CACNA1C: variants seen among roughly 807,000 people sequenced by gnomAD.
The protein encoded by CACNA1C is voltage-dependent L-type calcium channel subunit alpha-1C.
In CACNA1C, 30 loss-of-function variants were observed where a neutral mutation model predicts 229.0. The ratio of observed to expected loss-of-function variants is 0.13; its 90% CI spans 0.10 to 0.18. The LOEUF is 0.18. CACNA1C is among the 10% of genes least tolerant of loss of function. The pLI is 1.00. For synonymous variants in CACNA1C, 1,114 were observed against 1,132.5 expected, an observed-to-expected ratio of 0.98 and a Z score of 0.33; for missense variants, 1,658 against 2,845.0, an observed-to-expected ratio of 0.58 and a Z score of 9.49.
chr12:2,043,953 C>A (rs1002416182), intron 1 of CACNA1C, among the ~76,000 whole-genome samples: 14 of 152,140 alleles, frequency 9.2e-5, no homozygotes, highest in Admixed American at 6.5e-4. Context: ...CCGCGCCCGG[C>A]CAAAAACAGA....
intron 1 of CACNA1C, among the ~76,000 whole-genome samples, chr12:2,109,370 A>G (rs549111576): frequency 6.6e-6 from 1 of 152,370 alleles, no homozygotes; most frequent in South Asian, 2.1e-4. Context: ...ACCTGAGCCC[A>G]AACCTGAAAC....
At chr12:2,151,212 C>G (rs756374201) in intron 3 of CACNA1C, among the ~76,000 whole-genome samples, 1 of 152,122 alleles carries the variant, frequency 6.6e-6, no homozygotes, top group African/African-American at 2.4e-5. Flanking sequence ...ATCAGATCAT[C>G]TCATCCAATT....
chr12:2,130,434 C>T (rs1349910519), intron 3 of CACNA1C, among the ~76,000 whole-genome samples: 3 of 126,928 alleles, frequency 2.4e-5, no homozygotes, highest in Admixed American at 7.9e-5. Flanking sequence ...GGTATATCTC[C>T]CAATGCTATC....
At chr12:2,382,152 G>A (rs770295301) in intron 3 of CACNA1C, among the ~76,000 whole-genome samples, 6 of 152,180 alleles carry the variant, frequency 3.9e-5, no homozygotes, top group Non-Finnish European at 5.9e-5. Flanking sequence ...AATTTCTCAC[G>A]GTATTCCTTC....
chr12:2,395,345 A>C (rs1444396933), intron 3 of CACNA1C, among the ~76,000 whole-genome samples: 1 of 151,864 alleles, frequency 6.6e-6, no homozygotes, highest in Non-Finnish European at 1.5e-5. Flanking sequence ...CAGCCTCCCA[A>C]GTAGCTGGAA....
At chr12:2,515,105 A>G (rs1158326800) in intron 9 of CACNA1C, among the ~76,000 whole-genome samples, 1 of 152,146 alleles carries the variant, frequency 6.6e-6, no homozygotes, top group Non-Finnish European at 1.5e-5. Flanking sequence ...TTCTTGTCCT[A>G]AGAGGACTGG....
At chr12:1,977,251 C>A (rs1222429163) in intron 1 of CACNA1C, among the ~76,000 whole-genome samples, 1 of 152,202 alleles carries the variant, frequency 6.6e-6, no homozygotes, top group African/African-American at 2.4e-5. Context: ...AAGCACAGAT[C>A]TGTTAGCATG....
chr12:2,002,908 CAAACAA>C (rs2042508056), intron 1 of CACNA1C, among the ~76,000 whole-genome samples: 1 of 150,282 alleles, frequency 6.7e-6, no homozygotes, highest in Non-Finnish European at 1.5e-5. Context: ...AAAAAACAAA[CAAACAA>C]AAACAAACAA....
Position 2,504,534 on chromosome 12 carries a change from G to A in CACNA1C, c.1114-308G>A, listed in dbSNP as rs1334409535. ...TTCTAAATCTGGTTCTCGGTGTGTT[G>A]AGCGGGTAAGCTGACCGTTTCTATG... On this transcript the variant is annotated intron_variant, in intron 7 of 46. Coordinates refer to ENST00000399655, the MANE Select transcript of CACNA1C (RefSeq NM_000719.7). The surrounding 1 kb of genome is among the most constrained non-coding windows in gnomAD (Gnocchi z 6.8). 1.3e-5 allele frequency: 21 copies of A among 1,589,468 alleles called. No homozygotes were observed. Among genetic ancestry groups the A allele is most frequent in the Non-Finnish European group, 1.8e-5 (21 of 1,158,620 alleles).
chr12:2,139,394 C>G (rs1166198377), intron 3 of CACNA1C, among the ~76,000 whole-genome samples: 1 of 151,282 alleles, frequency 6.6e-6, no homozygotes, highest in African/African-American at 2.4e-5. Context: ...TCTGCAAAGA[C>G]TTTATTTCCA....
intron 7 of CACNA1C, among the ~76,000 whole-genome samples, chr12:2,498,006 A>ACACACACAACG (rs2099750774): frequency 8.4e-6 from 1 of 119,274 alleles, no homozygotes; most frequent in African/African-American, 3.3e-5. Flanking sequence ...CACACACAAC[A>ACACACACAACG]GCTATTAATC....
At chr12:2,450,563 A>AAC (rs1232243892) in intron 4 of CACNA1C, among the ~76,000 whole-genome samples, 253 of 145,020 alleles carry the variant, frequency 1.7e-3, no homozygotes, top group Non-Finnish European at 3.2e-3. Context: ...CAAAAAAAAA[A>AAC]AAAAAAAAAA....
chr12:2,050,074 T>C (rs773443127), upstream of CACNA1C, among the ~76,000 whole-genome samples: 3 of 152,250 alleles, frequency 2.0e-5, no homozygotes, highest in Non-Finnish European at 4.4e-5. Flanking sequence ...ATCCTGCACG[T>C]GACCCCCTAA....
intron 9 of CACNA1C, among the ~76,000 whole-genome samples, chr12:2,534,972 C>G (rs755712526): frequency 3.3e-5 from 5 of 152,244 alleles, no homozygotes; most frequent in Non-Finnish European, 5.9e-5. Flanking sequence ...CACTGAACCT[C>G]TATCCTAAGG....
At position 2,593,193 on chromosome 12, in the gene CACNA1C, T is replaced by C. The variant is rs964539091; in HGVS notation, c.2531-20T>C. The C allele has an allele frequency of 3.1e-6, 5 of 1,609,282 alleles. No homozygotes were observed. Among genetic ancestry groups the C allele is most frequent in the Non-Finnish European group, 4.2e-6 (5 of 1,176,742 alleles). ...GTGGGAGTGCTGGAGTTATTTAGAA[T>C]GGTGCTGTTCTTCTTACAGGAGAAG... On this transcript the variant is annotated intron_variant, in intron 18 of 46. Coordinates refer to ENST00000399655, the MANE Select transcript of CACNA1C (RefSeq NM_000719.7).
intron 1 of CACNA1C, among the ~76,000 whole-genome samples, chr12:2,016,587 C>T (rs1352462967): frequency 6.6e-6 from 1 of 152,124 alleles, no homozygotes; most frequent in Admixed American, 6.6e-5. Flanking sequence ...TGCCACCACG[C>T]CTGGCTAATT....
At chr12:2,543,983 G>A (rs2099876702) in intron 9 of CACNA1C, among the ~76,000 whole-genome samples, 2 of 152,122 alleles carry the variant, frequency 1.3e-5, no homozygotes, top group Non-Finnish European at 2.9e-5. Context: ...GTGACTGGCA[G>A]CCTACGTCCA....
intron 3 of CACNA1C, among the ~76,000 whole-genome samples, chr12:2,382,270 C>A (rs1272290306): frequency 1.3e-5 from 2 of 152,188 alleles, no homozygotes; most frequent in East Asian, 3.8e-4. Context: ...GCAAATATCT[C>A]AAAAATATTG....
At chr12:2,545,955 T>C (rs1171947475) in intron 9 of CACNA1C, among the ~76,000 whole-genome samples, 1 of 152,250 alleles carries the variant, frequency 6.6e-6, no homozygotes, top group Non-Finnish European at 1.5e-5. Context: ...GTCTTCATGC[T>C]CTCCAGTGCA....
Sources: gnomAD v4.1 joint callset for allele counts (sites outside exome capture counted in the v4.1 genomes callset) on GRCh38, gnomAD v4.1.1 for gene constraint, Gnocchi (gnomAD v3.1) non-coding constraint, MANE v1.5 for transcripts, NCBI Gene and HGNC (gene_info 2026-07-23, HGNC 2026-07-21) for gene names.